The following PATJ variants were observed in gnomAD, a reference collection of about 807,000 sequenced individuals.
PATJ encodes PATJ crumbs cell polarity complex component.
In PATJ, 190 loss-of-function variants were observed where a neutral mutation model predicts 224.9. The observed-to-expected ratio is 0.84, with a 90% CI of 0.75 to 0.95. PATJ has a LOEUF of 0.95. PATJ is among the 40% of genes least tolerant of loss of function. The pLI is 0.00. For synonymous variants in PATJ, 769 were observed against 820.3 expected, an observed-to-expected ratio of 0.94 and a Z score of 1.07; for missense variants, 2,121 against 2,270.3, an observed-to-expected ratio of 0.93 and a Z score of 1.34.
At chr1:61,867,146 T>C (rs1168807480) in intron 20 of PATJ, among the ~76,000 whole-genome samples, 1 of 152,216 alleles carries the variant, frequency 6.6e-6, no homozygotes, top group Non-Finnish European at 1.5e-5. Flanking sequence ...GCCTTAACCA[T>C]CTGGAAATGC....
intron 28 of PATJ, among the ~76,000 whole-genome samples, chr1:62,010,962 C>T (rs1448360700): frequency 2.0e-5 from 3 of 152,148 alleles, no homozygotes; most frequent in East Asian, 3.9e-4. Flanking sequence ...CGCCTTAAAC[C>T]TCTGCTAGCT....
Position 62,161,338 on chromosome 1 carries a change from T to A in PATJ, c.*284T>A. ...ATTTCAGTGTTCCGATTTCTTTTTTTTTTTTTTTTTTTTTTTTTGAGACGG... is the reference window on the plus strand; with the variant it reads ...ATTTCAGTGTTCCGATTTCTTTTTTATTTTTTTTTTTTTTTTTTGAGACGG... On this transcript the variant is annotated 3_prime_UTR_variant, in exon 44 of 44. Coordinates refer to ENST00000642238, the MANE Select transcript of PATJ (RefSeq NM_001350145.3). 4 of 196,354 alleles carry A rather than the reference T, an allele frequency of 2.0e-5. No homozygotes were observed. In the East Asian group the frequency reaches 4.4e-4, roughly 22 times the overall value. 12.2% of individuals were successfully genotyped at this position (196,354 alleles called of 1,614,324 possible).
At chr1:62,135,470 C>T (rs186857296) in intron 41 of PATJ, among the ~76,000 whole-genome samples, 16 of 138,640 alleles carry the variant, frequency 1.2e-4, no homozygotes, top group Admixed American at 4.1e-4. Context: ...GAGATGAGAT[C>T]GCGCCACTGC....
intron 28 of PATJ, chr1:62,013,280 CAGTT>C (rs1482892269): frequency 2.3e-6 from 2 of 874,254 alleles, no homozygotes; most frequent in African/African-American, 1.8e-5. Flanking sequence ...AAACATGAAA[CAGTT>C]AGATTTCCTA....
chr1:61,823,676 T>G (rs1381663361), intron 15 of PATJ, among the ~76,000 whole-genome samples: 2 of 152,236 alleles, frequency 1.3e-5, no homozygotes, highest in Admixed American at 1.3e-4. Flanking sequence ...TAGGTTGGAT[T>G]CAATAGAATC....
At chr1:62,024,803 G>A (rs1647521367) in intron 29 of PATJ, among the ~76,000 whole-genome samples, 1 of 151,898 alleles carries the variant, frequency 6.6e-6, no homozygotes, top group African/African-American at 2.4e-5. Flanking sequence ...GTGGCCAGCG[G>A]GTGTTCAATG....
chr1:61,766,203 T>C (rs1252394059), intron 3 of PATJ, 76 bp from the exon 4 acceptor site: 2 of 967,264 alleles, frequency 2.1e-6, no homozygotes, highest in African/African-American at 1.7e-5. Flanking sequence ...ATCTATGTAA[T>C]GGTCAAAATA....
intron 17 of PATJ, among the ~76,000 whole-genome samples, chr1:61,842,038 T>G (rs1040729312): frequency 6.6e-6 from 1 of 152,138 alleles, no homozygotes; most frequent in African/African-American, 2.4e-5. Context: ...TCTCATGGCT[T>G]AAGTTTTGCT....
At chr1:61,909,065 T>G (rs929246327) in intron 25 of PATJ, among the ~76,000 whole-genome samples, 3 of 152,186 alleles carry the variant, frequency 2.0e-5, no homozygotes, top group Admixed American at 6.5e-5. Flanking sequence ...CTGCAATCTC[T>G]GCCTCCCAGG....
intron 27 of PATJ, among the ~76,000 whole-genome samples, chr1:61,944,340 C>T (rs1433052798): frequency 2.0e-5 from 3 of 152,112 alleles, no homozygotes; most frequent in Admixed American, 6.6e-5. Context: ...AAAGATTAGG[C>T]GAATGGCCAA....
intron 14 of PATJ, among the ~76,000 whole-genome samples, chr1:61,819,299 T>G (rs892091949): frequency 2.6e-5 from 4 of 152,198 alleles, no homozygotes; most frequent in African/African-American, 9.6e-5. Flanking sequence ...CGGTCACACA[T>G]TCCTTGGATG....
At chr1:61,921,056 C>T (rs991960202) in intron 26 of PATJ, among the ~76,000 whole-genome samples, 2 of 152,070 alleles carry the variant, frequency 1.3e-5, no homozygotes, top group African/African-American at 2.4e-5. Flanking sequence ...TCTCTTCCAC[C>T]TCAAGCTAAG....
intron 1 of PATJ, among the ~76,000 whole-genome samples, chr1:61,748,746 C>A (rs12043138): frequency 0.28 from 42,359 of 151,780 alleles, 6,064 homozygotes; most frequent in East Asian, 0.39. Flanking sequence ...CTAGCCCTGA[C>A]CCCCTGGGCA....
intron 31 of PATJ, among the ~76,000 whole-genome samples, chr1:62,064,793 A>AT (rs1435726160): frequency 6.6e-6 from 1 of 152,164 alleles, no homozygotes; most frequent in African/African-American, 2.4e-5. Context: ...CTTAAAATCA[A>AT]TTTTTACCCC....
intron 14 of PATJ, among the ~76,000 whole-genome samples, chr1:61,809,958 G>A (rs985223370): frequency 6.6e-6 from 1 of 150,500 alleles, no homozygotes; most frequent in Non-Finnish European, 1.5e-5. Context: ...CGATTCTCCT[G>A]CCTCAGCCTC....
chr1:61,888,004 CT>C (rs1401221588), intron 22 of PATJ, among the ~76,000 whole-genome samples: 1 of 152,110 alleles, frequency 6.6e-6, no homozygotes, highest in East Asian at 1.9e-4. Context: ...TAGATAGAAA[CT>C]TCATCAAAAG....
intron 11 of PATJ, among the ~76,000 whole-genome samples, chr1:61,799,434 A>G (rs959784855): frequency 2.6e-5 from 4 of 152,130 alleles, no homozygotes; most frequent in Non-Finnish European, 5.9e-5. Flanking sequence ...TGGCCTCGTG[A>G]TCCACCTGCC....
intron 14 of PATJ, among the ~76,000 whole-genome samples, chr1:61,813,556 G>A (rs183873235): frequency 1.1e-3 from 164 of 151,624 alleles, no homozygotes; most frequent in African/African-American, 3.9e-3. Flanking sequence ...ACTGTGCTAG[G>A]TCCGCTACTG....
At chr1:62,159,627 C>G (rs1669653339) in intron 43 of PATJ, among the ~76,000 whole-genome samples, 1 of 150,258 alleles carries the variant, frequency 6.7e-6, no homozygotes, top group South Asian at 2.1e-4. Flanking sequence ...GGCACTATCT[C>G]AGCTCACTCC....
Sources: gnomAD v4.1 joint callset for allele counts (sites outside exome capture counted in the v4.1 genomes callset) on GRCh38, gnomAD v4.1.1 for gene constraint, MANE v1.5 for transcripts, NCBI Gene and HGNC (gene_info 2026-07-23, HGNC 2026-07-21) for gene names.